Variants in LRRC4C observed in about 807,000 individuals in gnomAD.
LRRC4C encodes leucine rich repeat containing 4C, also known as leucine-rich repeat-containing protein 4C.
A neutral mutation model predicts 33.6 loss-of-function variants in LRRC4C; 5 were observed. That is an observed-to-expected ratio of 0.15 (90% CI 0.08 to 0.31). The LOEUF (loss-of-function observed/expected upper bound fraction) is 0.31, where lower values mean the gene tolerates loss of function less well. LRRC4C is among the 10% of genes least tolerant of loss of function. LRRC4C has a pLI of 1.00. For missense variants in LRRC4C, 560 were observed against 796.7 expected (o/e 0.70, Z 3.58); for synonymous variants, 329 against 302.0 (o/e 1.09, Z -0.93).
intron 1 of LRRC4C, among the ~76,000 whole-genome samples, chr11:41,224,322 G>A (rs1378857874): frequency 6.6e-6 from 1 of 152,048 alleles, no homozygotes; most frequent in Admixed American, 6.6e-5. Flanking sequence ...TATTTTACGG[G>A]ACTAATGCAT....
At chr11:40,953,990 C>A (rs900740081) in intron 1 of LRRC4C, among the ~76,000 whole-genome samples, 3 of 151,840 alleles carry the variant, frequency 2.0e-5, no homozygotes, top group African/African-American at 7.3e-5. Context: ...TCCACACATA[C>A]ATAACTAGAT....
intron 5 of LRRC4C, among the ~76,000 whole-genome samples, chr11:40,226,334 T>C (rs535828714): frequency 6.6e-6 from 1 of 152,336 alleles, no homozygotes; most frequent in South Asian, 2.1e-4. Context: ...AAAGGCTCTA[T>C]ATACTTCCTA....
chr11:41,201,261 A>G (rs918527909), intron 1 of LRRC4C, among the ~76,000 whole-genome samples: 1 of 152,212 alleles, frequency 6.6e-6, no homozygotes, highest in African/African-American at 2.4e-5. Context: ...CTCTATTTAA[A>G]GAAACTGAAC....
chr11:41,240,497 T>A (rs1948205718), intron 1 of LRRC4C, among the ~76,000 whole-genome samples: 1 of 152,174 alleles, frequency 6.6e-6, no homozygotes, highest in African/African-American at 2.4e-5. Context: ...ATTATCTTAA[T>A]TATATAATGG....
At chr11:41,099,704 G>A (rs139544933) in intron 1 of LRRC4C, among the ~76,000 whole-genome samples, 192 of 152,134 alleles carry the variant, frequency 1.3e-3, no homozygotes, top group Middle Eastern at 0.01. Flanking sequence ...AATAATAAGA[G>A]CTATCTATGA....
intron 3 of LRRC4C, among the ~76,000 whole-genome samples, chr11:40,542,105 T>C (rs1055805773): frequency 2.0e-5 from 3 of 151,956 alleles, no homozygotes; most frequent in African/African-American, 7.2e-5. Flanking sequence ...CTCTCTTTTT[T>C]TCTTCTCACA....
intron 1 of LRRC4C, among the ~76,000 whole-genome samples, chr11:41,207,016 G>A (rs1358228228): frequency 6.6e-6 from 1 of 152,024 alleles, no homozygotes; most frequent in African/African-American, 2.4e-5. Flanking sequence ...GTATAGATTA[G>A]CAAAAAGTAT....
Position 41,320,518 on chromosome 11 carries a change from AAC to A in LRRC4C, c.-496+138911_-496+138912del, listed in dbSNP as rs1405819182. Among the ~76,000 whole-genome samples the A allele has an allele frequency of 5.9e-5, 9 of 152,338 alleles. No individual in the cohort carries two copies. The East Asian group carries it at 1.7e-3, about 29-fold the overall frequency. On this transcript the variant is annotated intron_variant, in intron 1 of 6. Coordinates refer to ENST00000528697, the MANE Select transcript of LRRC4C (RefSeq NM_001258419.2). Reference sequence around the variant, plus strand: ...CTGGTCCTTTTCATCAGCTCCACGTAACACACACATACATTTGCCAAAGTAAG... The same window carrying A: ...CTGGTCCTTTTCATCAGCTCCACGTAACACACATACATTTGCCAAAGTAAG...
intron 2 of LRRC4C, among the ~76,000 whole-genome samples, chr11:40,659,190 T>A (rs1943291414): frequency 1.3e-5 from 2 of 152,190 alleles, no homozygotes; most frequent in African/African-American, 4.8e-5. Flanking sequence ...TCAGGCTCTG[T>A]TGTGACCCAG....
At chr11:41,161,564 C>A (rs994681054) in intron 1 of LRRC4C, among the ~76,000 whole-genome samples, 3 of 152,120 alleles carry the variant, frequency 2.0e-5, no homozygotes, top group Non-Finnish European at 2.9e-5. Context: ...GTCAGATAAC[C>A]TTTAATTAGA....
intron 3 of LRRC4C, among the ~76,000 whole-genome samples, chr11:40,583,413 C>T (rs568083624): frequency 3.9e-5 from 6 of 152,294 alleles, no homozygotes; most frequent in East Asian, 1.9e-4. Flanking sequence ...TTAATGGTGC[C>T]GCTTTCCTGC....
chr11:41,295,567 C>A (rs1337346244), intron 1 of LRRC4C, among the ~76,000 whole-genome samples: 1 of 149,634 alleles, frequency 6.7e-6, no homozygotes, highest in Non-Finnish European at 1.5e-5. Context: ...ATAAATAACT[C>A]TTTTTGAGTT....
At chr11:40,966,410 G>A (rs545308157) in intron 1 of LRRC4C, among the ~76,000 whole-genome samples, 26 of 152,018 alleles carry the variant, frequency 1.7e-4, no homozygotes, top group African/African-American at 6.0e-4. Context: ...TTTTACATAT[G>A]GGGCTAAGTG....
intron 1 of LRRC4C, among the ~76,000 whole-genome samples, chr11:41,406,748 A>ACACGCG (rs1555166865): frequency 6.9e-6 from 1 of 145,468 alleles, no homozygotes; most frequent in African/African-American, 2.6e-5. Context: ...ACACACACAC[A>ACACGCG]CACGCACCCT....
intron 3 of LRRC4C, among the ~76,000 whole-genome samples, chr11:40,623,799 C>T (rs981529764): frequency 6.6e-6 from 1 of 152,010 alleles, no homozygotes; most frequent in Non-Finnish European, 1.5e-5. Context: ...AATGCATTTC[C>T]TTAAGCGATT....
chr11:40,501,780 C>T (rs567092504), intron 3 of LRRC4C, among the ~76,000 whole-genome samples: 2 of 152,280 alleles, frequency 1.3e-5, no homozygotes, highest in Admixed American at 6.5e-5. Flanking sequence ...GACATTTTCC[C>T]CATTGTCTTG....
rs1406569794 is a variant in LRRC4C, at chr11:40,115,747, C to T, written c.546G>A (p.Leu182=). Residue 182 remains leucine (L), a synonymous_variant, in exon 7 of 7, where the codon TTG becomes TTA. Coordinates refer to ENST00000528697, the MANE Select transcript of LRRC4C (RefSeq NM_001258419.2). This position sits in a 1 kb window ranked among gnomAD's most constrained non-coding sequence, Gnocchi z 6.7. ...PSLRRLDLGE[L]KRLSYISEGA... ...CTTCTGAGATGTATGAAAGTCTTTT[C>T]AATTCCCCTAAGTCTAGTCGGCGCA... The T allele has an allele frequency of 1.2e-6, 2 of 1,614,176 alleles. No homozygotes were observed. Among genetic ancestry groups the T allele is most frequent in the Non-Finnish European group, 1.7e-6 (2 of 1,180,028 alleles).
chr11:40,715,511 A>G (rs1460259962), intron 2 of LRRC4C, among the ~76,000 whole-genome samples: 1 of 152,206 alleles, frequency 6.6e-6, no homozygotes, highest in Non-Finnish European at 1.5e-5. Flanking sequence ...ATGTGTACCT[A>G]CCTACGTATG....
intron 1 of LRRC4C, among the ~76,000 whole-genome samples, chr11:41,209,727 G>C (rs774429117): frequency 1.3e-5 from 2 of 151,982 alleles, no homozygotes; most frequent in African/African-American, 2.4e-5. Flanking sequence ...TTGGACTGTT[G>C]GGAGGGGGTG....
Sources: gnomAD v4.1 joint callset for allele counts (sites outside exome capture counted in the v4.1 genomes callset) on GRCh38, gnomAD v4.1.1 for gene constraint, Gnocchi (gnomAD v3.1) non-coding constraint, MANE v1.5 for transcripts, NCBI Gene and HGNC (gene_info 2026-07-23, HGNC 2026-07-21) for gene names.